Variants in BBX observed in about 807,000 individuals in gnomAD.
BBX encodes the protein HMG box transcription factor BBX.
BBX carries 30 observed loss-of-function variants against 100.2 expected under a neutral mutation model. The observed-to-expected ratio is 0.30, with a 90% confidence interval of 0.22 to 0.41. BBX has a LOEUF of 0.41. Among genes scored for constraint, BBX ranks in the 10% least tolerant of loss-of-function variants. The pLI is 1.00. For synonymous variants in BBX, 376 were observed against 388.1 expected (o/e 0.97, Z 0.37); for missense variants, 1,023 against 1,129.8 (o/e 0.91, Z 1.35).
chr3:107,676,108 A>G (rs928816365), intron 3 of BBX, among the ~76,000 whole-genome samples: 3 of 152,174 alleles, frequency 2.0e-5, no homozygotes, highest in African/African-American at 4.8e-5. Context: ...AATATCTAGA[A>G]AATTAGAAGC....
chr3:107,695,935 G>C lies in BBX; in HGVS notation c.-9-14517G>C, dbSNP rs565165611. Among the ~76,000 whole-genome samples the C allele has an allele frequency of 6.1e-4, 93 of 151,808 alleles. 2 individuals are homozygous for C. Among genetic ancestry groups the C allele is most frequent in the South Asian group, 1.0e-3 (5 of 4,816 alleles). On this transcript the variant is annotated intron_variant, in intron 3 of 17. Coordinates refer to ENST00000325805, the MANE Select transcript of BBX (RefSeq NM_001142568.3). ...TTAGCTCTTCTTGTTGAATTGATCC[G>C]TTTACCATTAAGTAATGGCCTTCTT...
intron 2 of BBX, among the ~76,000 whole-genome samples, chr3:107,619,646 A>G (rs1207102451): frequency 2.0e-5 from 3 of 151,812 alleles, no homozygotes; most frequent in African/African-American, 4.8e-5. Flanking sequence ...GGGGAAAAAT[A>G]TCCATGTTTT....
intron 3 of BBX, among the ~76,000 whole-genome samples, chr3:107,659,350 A>T (rs1241376012): frequency 6.6e-6 from 1 of 151,888 alleles, no homozygotes; most frequent in East Asian, 1.9e-4. Context: ...AGCTCCCTAA[A>T]TGCTTCAGCA....
chr3:107,581,730 G>A (rs950688439), intron 2 of BBX, among the ~76,000 whole-genome samples: 1 of 152,058 alleles, frequency 6.6e-6, no homozygotes, highest in African/African-American at 2.4e-5. Context: ...AAGAATTTGA[G>A]TTACACATGA....
intron 10 of BBX, among the ~76,000 whole-genome samples, chr3:107,757,466 T>C (rs2065574535): frequency 6.6e-6 from 1 of 152,196 alleles, no homozygotes; most frequent in Non-Finnish European, 1.5e-5. Context: ...ATTCCAATTA[T>C]AGCAAATCAG....
chr3:107,649,762 T>TA (rs919807455), intron 3 of BBX, among the ~76,000 whole-genome samples: 65 of 152,358 alleles, frequency 4.3e-4, no homozygotes, highest in African/African-American at 1.5e-3. Flanking sequence ...GAAGTGGCTT[T>TA]ATCCTTACTG....
intron 3 of BBX, among the ~76,000 whole-genome samples, chr3:107,674,630 G>A (rs141798447): frequency 7.2e-5 from 11 of 152,268 alleles, no homozygotes; most frequent in African/African-American, 2.4e-4. Context: ...CCAAATCTGT[G>A]TACTTGCATG....
rs1274703238 is a variant in BBX, at chr3:107,805,874, A to G, written c.*417A>G. 1.1e-5 allele frequency: 2 copies of G among 182,818 alleles called. No homozygotes were observed. The allele number at this position is 182,818 out of a possible 1,614,324, so 11.3% of individuals were successfully genotyped here. On this transcript the variant is annotated 3_prime_UTR_variant, in exon 18 of 18. Transcript: ENST00000325805. ...ACAAAAAAAAAACAAAAACTGACGC[A>G]CTGCACTAGTTATTATTAGATATTC... is the stretch of plus-strand genomic sequence containing the variant.
intron 10 of BBX, among the ~76,000 whole-genome samples, chr3:107,756,249 A>G (rs943611869): frequency 2.0e-5 from 3 of 152,132 alleles, no homozygotes; most frequent in Non-Finnish European, 4.4e-5. Context: ...TTGGGGAGGA[A>G]GACGCCGGAA....
chr3:107,716,972 T>C (rs996417717), intron 5 of BBX, 123 bp downstream of exon 5: 2 of 1,256,620 alleles, frequency 1.6e-6, no homozygotes, highest in Non-Finnish European at 2.2e-6. Context: ...AATGAGATGT[T>C]AAGTAAAAAC....
At chr3:107,634,550 A>T (rs770975876) in intron 2 of BBX, among the ~76,000 whole-genome samples, 2 of 152,220 alleles carry the variant, frequency 1.3e-5, no homozygotes, top group Non-Finnish European at 2.9e-5. Context: ...AGTCTATATC[A>T]TAGACAATCT....
chr3:107,752,613 T>C (rs1455247690), intron 9 of BBX, among the ~76,000 whole-genome samples: 1 of 152,112 alleles, frequency 6.6e-6, no homozygotes, highest in Non-Finnish European at 1.5e-5. Context: ...ACATCCAGGG[T>C]GATCATTTTT....
intron 3 of BBX, among the ~76,000 whole-genome samples, chr3:107,659,204 A>G (rs1382061466): frequency 6.6e-6 from 1 of 151,922 alleles, no homozygotes; most frequent in African/African-American, 2.4e-5. Context: ...TATGAAACTC[A>G]CATACTCTCC....
intron 10 of BBX, among the ~76,000 whole-genome samples, chr3:107,757,454 C>T (rs2065573325): frequency 6.6e-6 from 1 of 152,018 alleles, no homozygotes; most frequent in Admixed American, 6.6e-5. Flanking sequence ...TGAAATAAGC[C>T]TATTCCAATT....
chr3:107,631,129 G>A (rs2056519715), intron 2 of BBX, among the ~76,000 whole-genome samples: 1 of 152,170 alleles, frequency 6.6e-6, no homozygotes, highest in Non-Finnish European at 1.5e-5. Context: ...AGAACAAACT[G>A]TTTAGCTTGC....
At chr3:107,748,529 A>T (rs1297437395) in intron 9 of BBX, among the ~76,000 whole-genome samples, 1 of 152,206 alleles carries the variant, frequency 6.6e-6, no homozygotes, top group East Asian at 1.9e-4. Flanking sequence ...TCCCAGGCTC[A>T]GATCAGATCA....
chr3:107,754,722 C>G (rs367912668), intron 9 of BBX, among the ~76,000 whole-genome samples: 6 of 152,248 alleles, frequency 3.9e-5, no homozygotes, highest in Admixed American at 1.3e-4. Context: ...CTGTTTTTAA[C>G]TGAGAAAGAA....
At chr3:107,643,687 T>G (rs1163827208) in intron 2 of BBX, among the ~76,000 whole-genome samples, 1 of 152,190 alleles carries the variant, frequency 6.6e-6, no homozygotes, top group Non-Finnish European at 1.5e-5. Flanking sequence ...CTGGCCCACC[T>G]GCCTTTCTGA....
intron 3 of BBX, among the ~76,000 whole-genome samples, chr3:107,705,500 G>A (rs2061340603): frequency 1.3e-5 from 2 of 152,194 alleles, no homozygotes; most frequent in South Asian, 4.1e-4. Flanking sequence ...GTTTCTGACT[G>A]TGTATCACTC....
Sources: allele counts gnomAD v4.1 joint callset (sites outside exome capture counted in the v4.1 genomes callset), GRCh38; gene constraint gnomAD v4.1.1; transcripts MANE v1.5; gene names NCBI Gene and HGNC (gene_info 2026-07-23, HGNC 2026-07-21).